VPS13A: variants seen among roughly 807,000 people sequenced by gnomAD.
VPS13A encodes vacuolar protein sorting 13 homolog A, also known as intermembrane lipid transfer protein VPS13A.
In VPS13A, 264 loss-of-function variants were observed where a neutral mutation model predicts 390.9. That is an observed-to-expected ratio of 0.68 (90% CI 0.61 to 0.75). The LOEUF is 0.75. Among genes scored for constraint, VPS13A ranks in the 30% least tolerant of loss-of-function variants. VPS13A has a pLI of 0.00. For missense variants in VPS13A, 3,409 were observed against 3,733.9 expected, an observed-to-expected ratio of 0.91 and a Z score of 2.27; for synonymous variants, 1,231 against 1,227.1, an observed-to-expected ratio of 1.00 and a Z score of -0.07.
At chr9:77,346,404 TCCTTACA>T (rs1831154694) in intron 52 of VPS13A, among the ~76,000 whole-genome samples, 1 of 152,204 alleles carries the variant, frequency 6.6e-6, no homozygotes, top group Non-Finnish European at 1.5e-5. Context: ...TTGTTTGAGA[TCCTTACA>T]GATTCTGGAT....
At chr9:77,199,851 T>TA in intron 1 of VPS13A, 94 bp from the exon 2 acceptor site, 1 of 997,054 alleles carries the variant, frequency 1.0e-6, no homozygotes, top group Non-Finnish European at 1.5e-6. Context: ...TATTTATATA[T>TA]TTTTCCTGAT....
rs566609195 is a variant in VPS13A, at chr9:77,306,077, T to A, written c.3961-1868T>A. On this transcript the variant is annotated intron_variant, in intron 34 of 71. Coordinates refer to ENST00000360280, the MANE Select transcript of VPS13A (RefSeq NM_033305.3). The stretch of plus-strand genomic sequence containing the variant: ...TATGAACTCTTTTTGCAGTGTCTGC[T>A]ACATAGTTACAAACTAAGTGTCATG... Among the ~76,000 whole-genome samples, 3 of 152,288 alleles carry A rather than the reference T, an allele frequency of 2.0e-5. No homozygotes were observed. The East Asian group carries it at 5.8e-4, about 29-fold the overall frequency.
In VPS13A at chr9:77,303,082, T is replaced by C. The variant is rs747445869; in HGVS notation, c.3960+20T>C. ...ATGGAGGTAACTTTTTTTGGATACTTATCAATTTTTGTTTTGCTTGTTGAA... is the reference window on the plus strand; with the variant it reads ...ATGGAGGTAACTTTTTTTGGATACTCATCAATTTTTGTTTTGCTTGTTGAA... On this transcript the variant is annotated intron_variant, in intron 34 of 71. Coordinates refer to ENST00000360280, the MANE Select transcript of VPS13A (RefSeq NM_033305.3). 1.2e-6 allele frequency: 2 copies of C among 1,613,768 alleles called. No homozygotes were observed. The highest frequency in any genetic ancestry group is 1.7e-6 in the Non-Finnish European group (2 of 1,179,822).
intron 6 of VPS13A, 40 bp from the exon 7 acceptor site, chr9:77,210,576 A>G: frequency 6.3e-7 from 1 of 1,591,058 alleles, no homozygotes; most frequent in Non-Finnish European, 8.6e-7. Context: ...TTATCCAACT[A>G]CTAAAAATCT....
intron 71 of VPS13A, among the ~76,000 whole-genome samples, chr9:77,412,949 C>T (rs1835005923): frequency 6.6e-6 from 1 of 152,136 alleles, no homozygotes; most frequent in Non-Finnish European, 1.5e-5. Flanking sequence ...TTCTTATACA[C>T]CAATAACAGA....
In VPS13A at chr9:77,220,012, C is replaced by T. The variant is rs571540395; in HGVS notation, c.813C>T (p.Asp271=). The change falls in exon 11 of 72, where the codon GAC becomes GAT. Residue 271 remains aspartate, a synonymous_variant. Transcript: ENST00000360280. ...TGATGAATCGCCGATCTGATTTTGA[C>T]TTTTCTGCCCCCAAAATAAACTTGG... is the stretch of plus-strand genomic sequence containing the variant. ...KLVMNRRSDF[D]FSAPKINLEI... 2 of 1,613,362 alleles carry T rather than the reference C, an allele frequency of 1.2e-6. No individual in the cohort carries two copies. Among genetic ancestry groups the T allele is most frequent in the South Asian group, 1.1e-5 (1 of 91,030 alleles).
At chr9:77,211,154 GTTAAA>G (rs1401379267) in intron 7 of VPS13A, 1 of 155,926 alleles carries the variant, frequency 6.4e-6, no homozygotes, top group Non-Finnish European at 1.4e-5. Flanking sequence ...ATGGATGGCT[GTTAAA>G]TTAAGAGCCT....
intron 17 of VPS13A, among the ~76,000 whole-genome samples, chr9:77,229,025 C>T (rs1484461231): frequency 2.6e-5 from 4 of 152,238 alleles, no homozygotes; most frequent in East Asian, 1.9e-4. Context: ...AGATTTGGGT[C>T]GGGACACAGA....
chr9:77,276,002 A>G (rs1180415083), intron 25 of VPS13A, 63 bp from the exon 26 acceptor site: 6 of 1,536,584 alleles, frequency 3.9e-6, no homozygotes, highest in East Asian at 2.3e-5. Context: ...ACATGTAACC[A>G]CTATGCACAT....
rs2131042848 is a variant in VPS13A at position 77,181,160 on chromosome 9, G to T, written c.100+3356G>T. ...AGTATTTTTTTAAAATATTCTTTGA[G>T]AATTTCAAAAGTAGTAATTTGATAA... On this transcript the variant is annotated intron_variant, in intron 1 of 71. Transcript: ENST00000360280. 2.0e-5 allele frequency among the ~76,000 whole-genome samples: 3 copies of T among 152,130 alleles called. No homozygotes were observed. In the East Asian group the frequency reaches 5.8e-4, roughly 29 times the overall value.
At chr9:77,293,557 C>T in intron 32 of VPS13A, 49 bp downstream of exon 32, 7 of 1,132,308 alleles carry the variant, frequency 6.2e-6, no homozygotes, top group Non-Finnish European at 8.2e-6. Context: ...TTGGAAATTG[C>T]TATATGTCAA....
At chr9:77,321,799 T>G (rs967544424) in intron 44 of VPS13A, 53 bp downstream of exon 44, 80 of 1,593,982 alleles carry the variant, frequency 5.0e-5, no homozygotes, top group Middle Eastern at 3.3e-4. Flanking sequence ...AAATTACAAT[T>G]TACATGTTAT....
At chr9:77,305,671 TG>T (rs1393542587) in intron 34 of VPS13A, 1 of 159,424 alleles carries the variant, frequency 6.3e-6, no homozygotes, top group Non-Finnish European at 1.4e-5. Context: ...CTAATTCACC[TG>T]AGTAGTTGGT....
intron 1 of VPS13A, 54 bp downstream of exon 1, chr9:77,177,858 G>A: frequency 6.6e-7 from 1 of 1,522,146 alleles, no homozygotes; most frequent in Non-Finnish European, 9.0e-7. Context: ...CGGCCGTCTC[G>A]CTGCCCGAGC....
At chr9:77,298,229 T>G (rs1401731848) in intron 33 of VPS13A, among the ~76,000 whole-genome samples, 1 of 152,202 alleles carries the variant, frequency 6.6e-6, no homozygotes, top group Non-Finnish European at 1.5e-5. Context: ...GTGGAATATA[T>G]GTGCCTAGGT....
At chr9:77,408,676 A>G (rs1834748476) in intron 71 of VPS13A, among the ~76,000 whole-genome samples, 1 of 152,232 alleles carries the variant, frequency 6.6e-6, no homozygotes, top group Non-Finnish European at 1.5e-5. Flanking sequence ...TCCTACGCCC[A>G]CGGAGCCTTG....
chr9:77,408,875 C>T (rs1288736115), intron 71 of VPS13A, among the ~76,000 whole-genome samples: 1 of 152,232 alleles, frequency 6.6e-6, no homozygotes, highest in African/African-American at 2.4e-5. Flanking sequence ...GGGGGCAGGG[C>T]ACAGCCAAAC....
chr9:77,243,431 C>G (rs1306678421), intron 19 of VPS13A, among the ~76,000 whole-genome samples: 1 of 152,100 alleles, frequency 6.6e-6, no homozygotes, highest in Non-Finnish European at 1.5e-5. Flanking sequence ...ATTAGGGATG[C>G]TCAGCTTGTT....
chr9:77,366,214 T>G (rs1243252149), intron 60 of VPS13A, among the ~76,000 whole-genome samples: 1 of 152,124 alleles, frequency 6.6e-6, no homozygotes, highest in East Asian at 1.9e-4. Flanking sequence ...CTAGCCTGTC[T>G]TAAACATGCT....
Sources: gnomAD v4.1 joint callset for allele counts (sites outside exome capture counted in the v4.1 genomes callset) on GRCh38, gnomAD v4.1.1 for gene constraint, MANE v1.5 for transcripts, NCBI Gene and HGNC (gene_info 2026-07-23, HGNC 2026-07-21) for gene names.